Variants in LACTBL1 observed in about 807,000 individuals in gnomAD.
The protein encoded by LACTBL1 is beta-lactamase-like protein 1.
A neutral mutation model predicts 39.6 loss-of-function variants in LACTBL1; 29 were observed. That is an observed-to-expected ratio of 0.73 (90% CI 0.55 to 1.00). The LOEUF is 1.00. Ranked by LOEUF, LACTBL1 falls within the 50% of genes least tolerant of loss-of-function variation. The pLI, the probability that LACTBL1 is intolerant of heterozygous loss-of-function variation, is 0.00. For synonymous variants in LACTBL1, 361 were observed against 360.7 expected, an observed-to-expected ratio of 1.00 and a Z score of -0.01; for missense variants, 711 against 748.5, an observed-to-expected ratio of 0.95 and a Z score of 0.59.
chr1:22,968,346 A>G (rs648322), upstream of LACTBL1, among the ~76,000 whole-genome samples: 69,691 of 151,926 alleles, frequency 0.46, 16,288 homozygotes, highest in East Asian at 0.54. Flanking sequence ...AGGTACAGCC[A>G]TCTTCAACTT....
upstream of LACTBL1, among the ~76,000 whole-genome samples, chr1:22,967,328 C>A (rs1265159401): frequency 6.6e-6 from 1 of 152,040 alleles, no homozygotes; most frequent in African/African-American, 2.4e-5. Flanking sequence ...AAGATCACAC[C>A]ACTGCACTCC....
intron 2 of LACTBL1, among the ~76,000 whole-genome samples, chr1:22,961,386 C>A (rs1283859800): frequency 6.6e-6 from 1 of 151,934 alleles, no homozygotes; most frequent in Non-Finnish European, 1.5e-5. Flanking sequence ...TTTTTGAGAC[C>A]AGAGTCTCGC....
chr1:22,967,844 C>T (rs1056932211), upstream of LACTBL1, among the ~76,000 whole-genome samples: 2 of 152,080 alleles, frequency 1.3e-5, no homozygotes, highest in Non-Finnish European at 2.9e-5. Context: ...GTTTTGTTTA[C>T]TGAGGTATTC....
the LACTBL1 span, chr1:22,972,776 TC>T: frequency 5.4e-6 from 4 of 740,192 alleles, no homozygotes; most frequent in African/African-American, 7.6e-5. Flanking sequence ...ACTTACCCTC[TC>T]CAGAAGGTAC....
chr1:22,967,731 A>G (rs1227145412), upstream of LACTBL1, among the ~76,000 whole-genome samples: 1 of 152,104 alleles, frequency 6.6e-6, no homozygotes, highest in Non-Finnish European at 1.5e-5. Flanking sequence ...GAATCTCAAC[A>G]TTTTATCATA....
chr1:22,963,329 C>A (rs997046494), intron 1 of LACTBL1, 113 bp from the exon 4 acceptor site: 7 of 523,180 alleles, frequency 1.3e-5, no homozygotes, highest in Non-Finnish European at 2.2e-5. Flanking sequence ...CCCAGCCGAG[C>A]CGAGCCGGGG....
Position 22,958,938 on chromosome 1 carries a change from T to A in LACTBL1, c.318-18A>T. On this transcript the variant is annotated intron_variant, in intron 3 of 5. Coordinates refer to ENST00000426928, the Ensembl canonical transcript of LACTBL1. Reference sequence around the variant, plus strand: ...TGGAGATCCTAGATAATGTTGGGAATACAAGCAGTCAAAGGGCATCCTGTT... The same window carrying A: ...TGGAGATCCTAGATAATGTTGGGAAAACAAGCAGTCAAAGGGCATCCTGTT... The A allele has an allele frequency of 6.6e-7, 1 of 1,522,678 alleles. No individual in the cohort carries two copies. The highest frequency in any genetic ancestry group is 8.9e-7 in the Non-Finnish European group (1 of 1,125,096). 94.3% of individuals were successfully genotyped at this position (1,522,678 alleles called of 1,614,324 possible).
At chr1:22,961,186 G>T (rs746696827) in intron 2 of LACTBL1, among the ~76,000 whole-genome samples, 1 of 152,214 alleles carries the variant, frequency 6.6e-6, no homozygotes, top group Non-Finnish European at 1.5e-5. Flanking sequence ...ATGGCATAAA[G>T]TGATTTTCAT....
chr1:22,969,418 T>C (rs1249604012), upstream of LACTBL1, among the ~76,000 whole-genome samples: 2 of 152,216 alleles, frequency 1.3e-5, no homozygotes, highest in Non-Finnish European at 1.5e-5. Context: ...CCTTCTGGGC[T>C]CTGTTCCAGG....
upstream of LACTBL1, among the ~76,000 whole-genome samples, chr1:22,968,759 T>G (rs1429853817): frequency 6.6e-6 from 1 of 152,204 alleles, no homozygotes; most frequent in African/African-American, 2.4e-5. Flanking sequence ...TGCTTCTGTT[T>G]CCTCACCTGT....
chr1:22,953,723 G>A lies in LACTBL1; in HGVS notation c.961C>T (p.Leu321=), dbSNP rs1640732701. The stretch of plus-strand genomic sequence containing the variant: ...AGCGTCTTGGCCGCGTCGGGCCGCA[G>A]GAGCCGCCGGGGCCCGCCGCCCAGG... Residue 321 remains leucine, a synonymous_variant, in exon 6 of 6, where the codon CTG becomes TTG. Transcript: ENST00000426928. 10 of 1,336,268 alleles carry A rather than the reference G, an allele frequency of 7.5e-6. No homozygotes were observed. In the South Asian group the frequency reaches 1.4e-4, roughly 19 times the overall value. 82.8% of individuals were successfully genotyped at this position (1,336,268 alleles called of 1,614,324 possible).
upstream of LACTBL1, among the ~76,000 whole-genome samples, chr1:22,968,408 G>T (rs567895405): frequency 6.6e-6 from 1 of 152,144 alleles, no homozygotes; most frequent in South Asian, 2.1e-4. Context: ...ATTTATGCTC[G>T]TCCCACCTTT....
chr1:22,958,861 CCCT>C, exon 4 of LACTBL1: 1 of 1,550,516 alleles, frequency 6.4e-7, no homozygotes, highest in Non-Finnish European at 8.7e-7. Flanking sequence ...GGCCACGATG[CCCT>C]CCTCCCACAG....
intron 4 of LACTBL1, among the ~76,000 whole-genome samples, chr1:22,958,327 C>T (rs994951190): frequency 4.6e-5 from 7 of 152,146 alleles, no homozygotes; most frequent in Middle Eastern, 3.2e-3. Context: ...TCGAGTGATC[C>T]TCCCACCTCG....
At chr1:22,958,623 C>G in intron 4 of LACTBL1, 62 bp downstream of exon 6, 1 of 1,375,602 alleles carries the variant, frequency 7.3e-7, no homozygotes, top group African/African-American at 1.4e-5. Flanking sequence ...GGATGAGAAC[C>G]TGTTCCTCAG....
chr1:22,968,929 G>A (rs563445207), upstream of LACTBL1, among the ~76,000 whole-genome samples: 3 of 152,098 alleles, frequency 2.0e-5, no homozygotes, highest in Non-Finnish European at 2.9e-5. Flanking sequence ...AGGCTGGAGC[G>A]CAGTGATGTG....
Position 22,956,337 on chromosome 1 carries a change from C to A in LACTBL1, c.554-911G>T, listed in dbSNP as rs1277343443. 2.0e-5 allele frequency among the ~76,000 whole-genome samples: 3 copies of A among 151,914 alleles called. No homozygotes were observed. The East Asian group carries it at 5.9e-4, about 30-fold the overall frequency. On this transcript the variant is annotated intron_variant, in intron 4 of 5. Coordinates refer to ENST00000426928, the Ensembl canonical transcript of LACTBL1. ...AGTGGGCCATATTCATGCCACTGCACTCCAGCATGGGAAACAGAGTGAGAC... is the reference window on the plus strand; with the variant it reads ...AGTGGGCCATATTCATGCCACTGCAATCCAGCATGGGAAACAGAGTGAGAC...
intron 4 of LACTBL1, among the ~76,000 whole-genome samples, chr1:22,956,363 C>G (rs1219137195): frequency 2.0e-5 from 3 of 151,628 alleles, no homozygotes; most frequent in African/African-American, 7.3e-5. Context: ...AGAGTGAGAC[C>G]CTGCCAAAAA....
chr1:22,963,006 G>GATGA (rs986952599), intron 2 of LACTBL1, 101 bp downstream of exon 4: 5 of 514,354 alleles, frequency 9.7e-6, no homozygotes, highest in Non-Finnish European at 1.6e-5. Context: ...ATGTTGGACG[G>GATGA]ATGAATGAAT....
Sources: gnomAD v4.1 joint callset for allele counts (sites outside exome capture counted in the v4.1 genomes callset) on GRCh38, gnomAD v4.1.1 for gene constraint, MANE v1.5 for transcripts, NCBI Gene and HGNC (gene_info 2026-07-23, HGNC 2026-07-21) for gene names.